Variants in FGF12 observed in about 807,000 individuals in gnomAD.
FGF12 encodes the protein fibroblast growth factor 12, also known as fibroblast growth factor 12B.
Under a neutral mutation model 23.6 loss-of-function variants are expected in FGF12, and 14 were observed. That is an observed-to-expected ratio of 0.59 (90% CI 0.39 to 0.93). The LOEUF (loss-of-function observed/expected upper bound fraction) is 0.93. FGF12 is among the 40% of genes least tolerant of loss of function. The probability of loss-of-function intolerance (pLI) is 0.00; values close to 1 mark genes in which losing one functional copy is unlikely to be tolerated. For missense variants in FGF12, 175 were observed against 217.8 expected, an observed-to-expected ratio of 0.80 and a Z score of 1.24; for synonymous variants, 62 against 77.3, an observed-to-expected ratio of 0.80 and a Z score of 1.04.
intron 2 of FGF12, among the ~76,000 whole-genome samples, chr3:192,575,281 A>G (rs1444223060): frequency 1.3e-5 from 2 of 152,226 alleles, no homozygotes; most frequent in Admixed American, 1.3e-4. Context: ...TAATAGTTTC[A>G]TGTCAAAATT....
chr3:192,141,627 A>G lies in FGF12; in HGVS notation c.*2382T>C, dbSNP rs1713390670. The stretch of plus-strand genomic sequence containing the variant: ...TCAGGAAGGAGACAAATGTGAGTCT[A>G]GATGATAAATGATGAATAGCCACTG... On this transcript the variant is annotated 3_prime_UTR_variant, in exon 6 of 6. Coordinates refer to ENST00000445105, the MANE Select transcript of FGF12 (RefSeq NM_004113.6). The G allele has an allele frequency of 2.0e-5, 3 of 152,088 alleles. No individual in the cohort carries two copies. Among genetic ancestry groups the G allele is most frequent in the Admixed American group, 1.3e-4 (2 of 15,276 alleles). The allele number at this position is 152,088 out of a possible 1,614,324, so 9.4% of individuals were successfully genotyped here.
At chr3:192,155,998 A>G (rs1714392718) in intron 5 of FGF12, among the ~76,000 whole-genome samples, 1 of 152,194 alleles carries the variant, frequency 6.6e-6, no homozygotes, top group South Asian at 2.1e-4. Context: ...TTTCTGTTAT[A>G]ATGCGCAATA....
chr3:192,575,654 CT>C (rs61382312), intron 2 of FGF12, among the ~76,000 whole-genome samples: 3 of 150,424 alleles, frequency 2.0e-5, no homozygotes, highest in Admixed American at 1.3e-4. Flanking sequence ...TTTGCTAATG[CT>C]TTTTTTTTGC....
At chr3:192,410,461 G>A (rs1040135219) in intron 2 of FGF12, among the ~76,000 whole-genome samples, 7 of 152,190 alleles carry the variant, frequency 4.6e-5, no homozygotes, top group African/African-American at 1.2e-4. Context: ...GACCCTAGGT[G>A]CGCAAAGAAG....
chr3:192,610,340 C>A (rs1577078097), intron 2 of FGF12, among the ~76,000 whole-genome samples: 2 of 152,082 alleles, frequency 1.3e-5, no homozygotes, highest in Admixed American at 1.3e-4. Context: ...AAAAGGAAGC[C>A]ATTAGAAGTG....
chr3:192,559,571 AATG>A (rs1238615174), intron 2 of FGF12, among the ~76,000 whole-genome samples: 11 of 152,176 alleles, frequency 7.2e-5, no homozygotes, highest in Admixed American at 7.2e-4. Flanking sequence ...ACTGATTAAT[AATG>A]ATGTGTCATA....
intron 2 of FGF12, among the ~76,000 whole-genome samples, chr3:192,395,005 G>C (rs571988707): frequency 1.3e-5 from 2 of 152,128 alleles, no homozygotes; most frequent in East Asian, 1.9e-4. Flanking sequence ...TGACTTGTTG[G>C]TCTCAGCTGT....
intron 3 of FGF12, among the ~76,000 whole-genome samples, chr3:192,359,107 C>T (rs933872392): frequency 6.6e-6 from 1 of 152,098 alleles, no homozygotes; most frequent in Non-Finnish European, 1.5e-5. Flanking sequence ...TTAAAGAATG[C>T]TTTCACAAAA....
At chr3:192,151,328 C>A (rs1185402021) in intron 5 of FGF12, among the ~76,000 whole-genome samples, 10 of 139,888 alleles carry the variant, frequency 7.1e-5, no homozygotes, top group Non-Finnish European at 1.1e-4. Context: ...TGCCTAATTG[C>A]CCTGGCCAGA....
At chr3:192,534,539 G>T (rs59263954) in intron 2 of FGF12, among the ~76,000 whole-genome samples, 35,877 of 151,918 alleles carry the variant, frequency 0.24, 4,927 homozygotes, top group Middle Eastern at 0.41. Flanking sequence ...GGGACTATAG[G>T]TGCATGCCAC....
rs1484775991 is a variant in FGF12 at position 192,512,207 on chromosome 3, T to C, written c.14-151669A>G. Among the ~76,000 whole-genome samples, 6 of 152,242 alleles carry C rather than the reference T, an allele frequency of 3.9e-5. No individual in the cohort carries two copies. In the South Asian group the frequency reaches 1.2e-3, roughly 32 times the overall value. On this transcript the variant is annotated intron_variant, in intron 2 of 5. Transcript: ENST00000445105. Reference sequence around the variant, plus strand: ...TTCTCCTTAAGTTAGTTTTAAAAATTAGAGTGGTTCATCTGAGCTGTTTTT... The same window carrying C: ...TTCTCCTTAAGTTAGTTTTAAAAATCAGAGTGGTTCATCTGAGCTGTTTTT...
chr3:192,404,859 T>C (rs1278346252), intron 2 of FGF12, among the ~76,000 whole-genome samples: 1 of 152,336 alleles, frequency 6.6e-6, no homozygotes, highest in Admixed American at 6.5e-5. Context: ...CCTTAGCCTA[T>C]GCCTTCTTCT....
At chr3:192,284,051 ACT>A (rs1044433722) in intron 4 of FGF12, among the ~76,000 whole-genome samples, 4 of 152,034 alleles carry the variant, frequency 2.6e-5, no homozygotes, top group Middle Eastern at 3.4e-3. Context: ...ATAATCCCAC[ACT>A]CTGTCTTAGA....
At chr3:192,478,570 C>A (rs1300677868) in intron 2 of FGF12, among the ~76,000 whole-genome samples, 1 of 152,038 alleles carries the variant, frequency 6.6e-6, no homozygotes, top group African/African-American at 2.4e-5. Flanking sequence ...CTAAGTATAA[C>A]TTTTCAAAGA....
intron 4 of FGF12, among the ~76,000 whole-genome samples, chr3:192,247,197 T>A (rs2108601821): frequency 6.6e-6 from 1 of 152,164 alleles, no homozygotes; most frequent in Non-Finnish European, 1.5e-5. Flanking sequence ...TGGGAAACAT[T>A]TGTGTAGCAC....
intron 4 of FGF12, among the ~76,000 whole-genome samples, chr3:192,285,893 T>C (rs1164098283): frequency 1.3e-5 from 2 of 152,078 alleles, no homozygotes; most frequent in Admixed American, 6.6e-5. Context: ...AGCAAATGTT[T>C]GCATATTTAC....
intron 4 of FGF12, among the ~76,000 whole-genome samples, chr3:192,294,670 C>T (rs1271722935): frequency 6.6e-6 from 1 of 152,136 alleles, no homozygotes; most frequent in Non-Finnish European, 1.5e-5. Context: ...GTTTAACATG[C>T]TTTTTTGCTT....
rs559612160 is a variant in FGF12 at position 192,263,874 on chromosome 3, T to G, written c.228+71487A>C. Among the ~76,000 whole-genome samples the G allele has an allele frequency of 2.6e-5, 4 of 152,234 alleles. No homozygotes were observed. The East Asian group carries it at 7.7e-4, about 29-fold the overall frequency. On this transcript the variant is annotated intron_variant, in intron 4 of 5. Transcript: ENST00000445105. ...GTCTAAATATGCCCTCTAAGGCTCA[T>G]AAATGCAGTCCAACAAAATATCTTA...
chr3:192,471,969 A>G (rs192753256), intron 2 of FGF12, among the ~76,000 whole-genome samples: 31 of 151,460 alleles, frequency 2.0e-4, no homozygotes, highest in African/African-American at 7.6e-4. Context: ...CATGCTGATT[A>G]AAACAAAAAA....
Sources: allele counts gnomAD v4.1 joint callset (sites outside exome capture counted in the v4.1 genomes callset), GRCh38; gene constraint gnomAD v4.1.1; transcripts MANE v1.5; gene names NCBI Gene and HGNC (gene_info 2026-07-23, HGNC 2026-07-21).